Variants in TXN2 observed in about 807,000 individuals in gnomAD.
TXN2 encodes the protein thioredoxin 2.
A neutral mutation model predicts 14.6 loss-of-function variants in TXN2; 12 were observed. That is an observed-to-expected ratio of 0.82 (90% CI 0.53 to 1.33). The LOEUF (loss-of-function observed/expected upper bound fraction) is 1.33. TXN2 is among the 40% of genes most tolerant of loss of function. The pLI is 0.00. For synonymous variants in TXN2, 89 were observed against 81.0 expected (o/e 1.10, Z -0.53); for missense variants, 173 against 207.7 (o/e 0.83, Z 1.03).
chr22:36,472,005 A>C (rs1683544061), intron 3 of TXN2, among the ~76,000 whole-genome samples: 1 of 151,714 alleles, frequency 6.6e-6, no homozygotes, highest in Non-Finnish European at 1.5e-5. Flanking sequence ...ATCTGAAACA[A>C]GATCTGTTTG....
chr22:36,480,361 G>A (rs1006725593), intron 2 of TXN2, among the ~76,000 whole-genome samples: 1 of 152,234 alleles, frequency 6.6e-6, no homozygotes, highest in Non-Finnish European at 1.5e-5. Context: ...AACAGAACAT[G>A]TGTTTCCCAG....
chr22:36,469,503 C>G (rs1933228693), intron 3 of TXN2, among the ~76,000 whole-genome samples: 1 of 152,194 alleles, frequency 6.6e-6, no homozygotes, highest in Non-Finnish European at 1.5e-5. Flanking sequence ...GCAAGGACAA[C>G]ATTCTTGGTC....
intron 2 of TXN2, among the ~76,000 whole-genome samples, chr22:36,477,782 A>T (rs933655253): frequency 6.6e-6 from 1 of 152,184 alleles, no homozygotes; most frequent in Non-Finnish European, 1.5e-5. Flanking sequence ...ACGAGTTAAG[A>T]AACCTGTGCA....
intron 2 of TXN2, 22 bp from the exon 3 acceptor site, chr22:36,476,878 C>A: frequency 6.2e-7 from 1 of 1,614,074 alleles, no homozygotes; most frequent in South Asian, 1.1e-5. Context: ...AGAAAGGAAG[C>A]ATCCAGTCAG....
rs1933192525 is a variant in TXN2 at position 36,467,821 on chromosome 22, T to C, written c.484A>G (p.Lys162Glu). ...KDEDQLEAFL[K>E]KLIG is the part of the protein sequence containing the mutation. The stretch of plus-strand genomic sequence containing the variant: ...CCTGCTTGTCAGCCAATCAGCTTCT[T>C]CAGGAAGGCCTCCAACTGATCCTCA... Residue 162 changes from lysine (K) to glutamate (E), a missense_variant, in exon 4 of 4, where the codon AAG becomes GAG. Lys to Glu is a moderately conservative substitution (Grantham distance 56). Coordinates refer to ENST00000216185, the MANE Select transcript of TXN2 (RefSeq NM_012473.4). The C allele has an allele frequency of 1.2e-6, 2 of 1,613,888 alleles. No homozygotes were observed. Among genetic ancestry groups the C allele is most frequent in the Non-Finnish European group, 1.7e-6 (2 of 1,179,994 alleles).
intron 3 of TXN2, among the ~76,000 whole-genome samples, chr22:36,471,968 TA>T (rs59924757): frequency 4.0e-3 from 402 of 100,220 alleles, no homozygotes; most frequent in Non-Finnish European, 5.3e-3. Context: ...AGACCCCCTC[TA>T]AAAAAAAAAA....
At chr22:36,471,694 C>T (rs1051851473) in intron 3 of TXN2, among the ~76,000 whole-genome samples, 3 of 152,242 alleles carry the variant, frequency 2.0e-5, no homozygotes, top group South Asian at 2.1e-4. Flanking sequence ...GTAGGACAGG[C>T]GCGGCAGCTC....
At chr22:36,476,416 C>A (rs765721363) in intron 3 of TXN2, among the ~76,000 whole-genome samples, 22 of 152,190 alleles carry the variant, frequency 1.4e-4, no homozygotes, top group African/African-American at 4.3e-4. Flanking sequence ...CATGGTGATA[C>A]CCTGTCTCTA....
chr22:36,477,954 T>A (rs532231631), intron 2 of TXN2, among the ~76,000 whole-genome samples: 1 of 151,848 alleles, frequency 6.6e-6, no homozygotes, highest in African/African-American at 2.4e-5. Context: ...CTGGCCAACA[T>A]GGTAAAACCT....
chr22:36,478,251 G>A (rs1307222790), intron 2 of TXN2, among the ~76,000 whole-genome samples: 1 of 152,140 alleles, frequency 6.6e-6, no homozygotes, highest in Non-Finnish European at 1.5e-5. Context: ...CCCTCTCGCT[G>A]GGGAAGCTCA....
intron 2 of TXN2, among the ~76,000 whole-genome samples, chr22:36,477,594 T>C (rs1309250159): frequency 6.6e-6 from 1 of 152,162 alleles, no homozygotes; most frequent in Non-Finnish European, 1.5e-5. Flanking sequence ...TGGGTAAACA[T>C]GCATTGGAAG....
rs1933182462 is a variant in TXN2 at position 36,467,413 on chromosome 22, G to A, written c.*391C>T. ...CTTTTTACAAAACAGCAGCTGGAAA[G>A]AGAAATGTAGGTGGCAGACGAGCCA... On this transcript the variant is annotated 3_prime_UTR_variant, in exon 4 of 4. Transcript: ENST00000216185. 1 of 194,066 alleles carries A rather than the reference G, an allele frequency of 5.2e-6. No homozygotes were observed. The highest frequency in any genetic ancestry group is 2.3e-5 in the African/African-American group (1 of 42,872). 12.0% of individuals were successfully genotyped at this position (194,066 alleles called of 1,614,324 possible). A position where few individuals can be genotyped will look rare whatever the true frequency, so the allele number is the denominator to read the frequency against.
At chr22:36,479,932 G>C (rs901970417) in intron 2 of TXN2, among the ~76,000 whole-genome samples, 3 of 151,262 alleles carry the variant, frequency 2.0e-5, no homozygotes, top group Non-Finnish European at 4.4e-5. Context: ...GCCCAGGCTG[G>C]AGTGTAATGG....
At chr22:36,469,359 C>T (rs1257058594) in intron 3 of TXN2, among the ~76,000 whole-genome samples, 2 of 152,126 alleles carry the variant, frequency 1.3e-5, no homozygotes, top group Non-Finnish European at 2.9e-5. Flanking sequence ...CAACACAGGC[C>T]CCACGAGAGC....
intron 2 of TXN2, among the ~76,000 whole-genome samples, chr22:36,477,709 T>C (rs1395120939): frequency 2.6e-5 from 4 of 152,102 alleles, no homozygotes; most frequent in Non-Finnish European, 4.4e-5. Flanking sequence ...TTTCTCTGCT[T>C]TTACCAAACA....
At chr22:36,479,816 T>C (rs1933460677) in intron 2 of TXN2, among the ~76,000 whole-genome samples, 1 of 151,252 alleles carries the variant, frequency 6.6e-6, no homozygotes, top group Admixed American at 6.6e-5. Context: ...CAAACTCAGA[T>C]AGCACTGAAA....
At position 36,467,726 on chromosome 22, in the gene TXN2, C is replaced by T; in HGVS notation, c.*78G>A. 1.6e-6 allele frequency: 2 copies of T among 1,247,828 alleles called. No homozygotes were observed. The highest frequency in any genetic ancestry group is 2.3e-6 in the Non-Finnish European group (2 of 852,244). 77.3% of individuals were successfully genotyped at this position (1,247,828 alleles called of 1,614,324 possible). Reference sequence around the variant, plus strand: ...CAGGAGCCAGACAGGAGGGAGGCAGCAGGAAGGGCTGGCATGGAAGGGCTG... The same window carrying T: ...CAGGAGCCAGACAGGAGGGAGGCAGTAGGAAGGGCTGGCATGGAAGGGCTG... On this transcript the variant is annotated 3_prime_UTR_variant, in exon 4 of 4. Coordinates refer to ENST00000216185, the MANE Select transcript of TXN2 (RefSeq NM_012473.4).
intron 2 of TXN2, among the ~76,000 whole-genome samples, chr22:36,477,680 G>A (rs1189838549): frequency 2.6e-5 from 4 of 152,094 alleles, no homozygotes; most frequent in African/African-American, 7.2e-5. Flanking sequence ...CGTCTACAAC[G>A]CACCAGTCCC....
At chr22:36,480,003 C>T (rs369242162) in intron 2 of TXN2, among the ~76,000 whole-genome samples, 35 of 152,104 alleles carry the variant, frequency 2.3e-4, no homozygotes, top group African/African-American at 8.4e-4. Context: ...CCTGCCTCAG[C>T]CTCCCGAGTA....
Sources: gnomAD v4.1 joint callset for allele counts (sites outside exome capture counted in the v4.1 genomes callset) on GRCh38, gnomAD v4.1.1 for gene constraint, MANE v1.5 for transcripts, NCBI Gene and HGNC (gene_info 2026-07-23, HGNC 2026-07-21) for gene names.